The following SGCD variants were observed in gnomAD, a reference collection of about 807,000 sequenced individuals.
The protein encoded by SGCD is sarcoglycan delta, also known as delta-sarcoglycan.
Under a neutral mutation model 36.6 loss-of-function variants are expected in SGCD, and 18 were observed. The observed-to-expected ratio is 0.49, with a 90% CI of 0.34 to 0.73. The LOEUF (loss-of-function observed/expected upper bound fraction) is 0.73, where lower values mean the gene tolerates loss of function less well. Ranked by LOEUF, SGCD falls within the 30% of genes least tolerant of loss-of-function variation. The pLI, the probability that SGCD is intolerant of heterozygous loss-of-function variation, is 0.01. For synonymous variants in SGCD, 133 were observed against 130.6 expected, an observed-to-expected ratio of 1.02 and a Z score of -0.12; for missense variants, 387 against 346.7, an observed-to-expected ratio of 1.12 and a Z score of -0.92.
chr5:156,046,173 C>T (rs1344493096), intron 1 of SGCD, among the ~76,000 whole-genome samples: 1 of 152,062 alleles, frequency 6.6e-6, no homozygotes, highest in African/African-American at 2.4e-5. Flanking sequence ...CATCATCTCA[C>T]TTTCATGAGC....
rs1013282740 is a variant in SGCD, at chr5:156,586,929, T to C, written c.295-2302T>C. ...CAGGTACTTTACACATATTTTTCTT[T>C]ATTTTGGGGGGTCTTTTTTTCAACA... is the stretch of plus-strand genomic sequence containing the variant. On this transcript the variant is annotated intron_variant, in intron 4 of 8. Coordinates refer to ENST00000337851, the MANE Select transcript of SGCD (RefSeq NM_000337.6). Among the ~76,000 whole-genome samples the C allele has an allele frequency of 4.6e-5, 7 of 152,322 alleles. 1 individual carries two copies. The highest frequency in any genetic ancestry group is 4.6e-4 in the Admixed American group (7 of 15,296).
chr5:156,458,274 T>G, intron 3 of SGCD: 2 of 668,992 alleles, frequency 3.0e-6, no homozygotes, highest in Non-Finnish European at 5.3e-6. Context: ...CAGTTAAATA[T>G]TAGTCACTAA....
chr5:155,826,584 C>T, the SGCD span, among the ~76,000 whole-genome samples: 1 of 152,194 alleles, frequency 6.6e-6, no homozygotes, highest in Non-Finnish European at 1.5e-5. Flanking sequence ...GTCTGAATGA[C>T]TAGAGCCTTC....
In SGCD at chr5:156,523,172, G is replaced by A. The variant is rs146075922; in HGVS notation, c.294+14470G>A. Among the ~76,000 whole-genome samples the A allele has an allele frequency of 2.0e-3, 303 of 152,228 alleles. 1 individual carries two copies. The highest frequency in any genetic ancestry group is 7.0e-3 in the African/African-American group (291 of 41,534). ...AGCAGGATTTACCAAATTATACCCA[G>A]CTAAATTTAGAACTAAAATCCAGAA... On this transcript the variant is annotated intron_variant, in intron 4 of 8. Transcript: ENST00000337851.
chr5:156,448,745 T>C (rs1029859580), intron 3 of SGCD, among the ~76,000 whole-genome samples: 6 of 135,008 alleles, frequency 4.4e-5, no homozygotes, highest in East Asian at 4.2e-4. Context: ...TTTTTTTTTT[T>C]TTTTTTTTTT....
Position 156,762,813 on chromosome 5 carries a change from C to T in SGCD, c.*3423C>T, listed in dbSNP as rs1434495646. 6.6e-6 allele frequency: 1 copy of T among 152,200 alleles called. No homozygotes were observed. Among genetic ancestry groups the T allele is most frequent in the African/African-American group, 2.4e-5 (1 of 41,420 alleles). 9.4% of individuals were successfully genotyped at this position (152,200 alleles called of 1,614,324 possible). ...TCCTTTACAGGCAAAGTTTCCTCAC[C>T]CCTGACCTAGAGGTTTTTGTGGTAT... On this transcript the variant is annotated 3_prime_UTR_variant, in exon 9 of 9. Transcript: ENST00000337851.
chr5:155,980,428 A>G (rs1316632076), intron 1 of SGCD, among the ~76,000 whole-genome samples: 4 of 151,746 alleles, frequency 2.6e-5, no homozygotes, highest in Non-Finnish European at 5.9e-5. Context: ...TACTAAAAAT[A>G]CAAAACAAAT....
At chr5:156,709,816 A>G (rs988597385) in intron 7 of SGCD, among the ~76,000 whole-genome samples, 3 of 141,918 alleles carry the variant, frequency 2.1e-5, no homozygotes, top group African/African-American at 8.0e-5. Flanking sequence ...CTTGGTACTT[A>G]TGTTCCTGCC....
At chr5:156,460,389 T>C (rs1437207916) in intron 3 of SGCD, among the ~76,000 whole-genome samples, 1 of 152,170 alleles carries the variant, frequency 6.6e-6, no homozygotes, top group Non-Finnish European at 1.5e-5. Flanking sequence ...ATTGTGCATA[T>C]GCTAATGCTT....
the SGCD span, among the ~76,000 whole-genome samples, chr5:155,844,897 C>T: frequency 6.6e-6 from 1 of 152,030 alleles, no homozygotes; most frequent in Non-Finnish European, 1.5e-5. Flanking sequence ...TATTATTGTA[C>T]TTTAAGTTCT....
At chr5:156,594,728 C>T (rs909526609) in intron 5 of SGCD, among the ~76,000 whole-genome samples, 4 of 152,188 alleles carry the variant, frequency 2.6e-5, no homozygotes, top group Admixed American at 6.5e-5. Context: ...AAGTAATTGA[C>T]AAGACCTGGC....
intron 4 of SGCD, among the ~76,000 whole-genome samples, chr5:156,539,250 T>G (rs576797178): frequency 2.0e-5 from 3 of 151,818 alleles, no homozygotes; most frequent in Admixed American, 1.3e-4. Flanking sequence ...ACACAAAATT[T>G]TATATATATA....
intron 3 of SGCD, among the ~76,000 whole-genome samples, chr5:156,382,962 C>T (rs1019785801): frequency 1.1e-4 from 16 of 152,162 alleles, no homozygotes; most frequent in Admixed American, 5.2e-4. Context: ...TTGTTTGCAT[C>T]CTTAGCAACA....
At chr5:156,559,992 C>G (rs412201) in intron 4 of SGCD, among the ~76,000 whole-genome samples, 21,558 of 152,062 alleles carry the variant, frequency 0.14, 1,612 homozygotes, top group East Asian at 0.18. Context: ...AGGACAATGT[C>G]TGAAGTTTCC....
intron 3 of SGCD, among the ~76,000 whole-genome samples, chr5:156,191,736 G>C (rs1184039456): frequency 3.3e-5 from 5 of 152,126 alleles, no homozygotes; most frequent in African/African-American, 1.2e-4. Context: ...CATTCAAGCT[G>C]TCAATCTGGA....
chr5:156,384,417 T>C (rs911784477), intron 3 of SGCD, among the ~76,000 whole-genome samples: 49 of 152,242 alleles, frequency 3.2e-4, no homozygotes, highest in Admixed American at 1.3e-4. Context: ...TTTCTTGTTC[T>C]GTAATGTGAT....
At chr5:156,265,570 A>G (rs1765976796) in intron 3 of SGCD, among the ~76,000 whole-genome samples, 1 of 151,812 alleles carries the variant, frequency 6.6e-6, no homozygotes, top group African/African-American at 2.4e-5. Flanking sequence ...AAAATTTGCC[A>G]GGTAATTAAA....
chr5:156,594,653 C>G (rs1400139378), intron 5 of SGCD, among the ~76,000 whole-genome samples: 1 of 152,094 alleles, frequency 6.6e-6, no homozygotes, highest in South Asian at 2.1e-4. Flanking sequence ...AAATCACAGT[C>G]AAGGATTAGT....
chr5:156,473,832 C>T (rs1042319232), intron 3 of SGCD, among the ~76,000 whole-genome samples: 4 of 152,106 alleles, frequency 2.6e-5, no homozygotes, highest in Non-Finnish European at 4.4e-5. Flanking sequence ...AAAAAATGAT[C>T]TATATTGTAT....
Sources: allele counts gnomAD v4.1 joint callset (sites outside exome capture counted in the v4.1 genomes callset), GRCh38; gene constraint gnomAD v4.1.1; transcripts MANE v1.5; gene names NCBI Gene and HGNC (gene_info 2026-07-23, HGNC 2026-07-21).